The following OGDH variants were observed in gnomAD, a reference collection of about 807,000 sequenced individuals.
OGDH encodes the protein oxoglutarate dehydrogenase.
In OGDH, 38 loss-of-function variants were observed where a neutral mutation model predicts 116.6. The observed-to-expected ratio is 0.33, with a 90% CI of 0.25 to 0.43. The LOEUF is 0.43. OGDH is among the 20% of genes least tolerant of loss of function. The pLI, the probability that OGDH is intolerant of heterozygous loss-of-function variation, is 1.00. For synonymous variants in OGDH, 488 were observed against 533.3 expected, an observed-to-expected ratio of 0.92 and a Z score of 1.17; for missense variants, 825 against 1,357.2, an observed-to-expected ratio of 0.61 and a Z score of 6.16.
intron 4 of OGDH, among the ~76,000 whole-genome samples, chr7:44,655,806 T>G (rs1351864967): frequency 6.6e-6 from 1 of 152,232 alleles, no homozygotes; most frequent in Non-Finnish European, 1.5e-5. Context: ...CTAGTTTGCC[T>G]TCTTGAAATG....
chr7:44,627,657 ATTG>A (rs1785260761), intron 2 of OGDH, among the ~76,000 whole-genome samples: 1 of 151,710 alleles, frequency 6.6e-6, no homozygotes, highest in Non-Finnish European at 1.5e-5. Context: ...CTACTTTCCC[ATTG>A]TTGTTTTTAT....
chr7:44,630,110 G>A (rs571176847), intron 2 of OGDH, among the ~76,000 whole-genome samples: 155 of 152,326 alleles, frequency 1.0e-3, no homozygotes, highest in African/African-American at 3.4e-3. Flanking sequence ...GTGAAACTAA[G>A]TGGAGGAAAA....
At chr7:44,616,786 T>TACGC (rs1784799229) in intron 1 of OGDH, among the ~76,000 whole-genome samples, 1 of 62,782 alleles carries the variant, frequency 1.6e-5, no homozygotes, top group Non-Finnish European at 4.5e-5. Flanking sequence ...TGTATATGCA[T>TACGC]ATATATATGT....
intron 10 of OGDH, among the ~76,000 whole-genome samples, chr7:44,682,700 T>TA (rs1787980693): frequency 6.6e-6 from 1 of 150,888 alleles, no homozygotes; most frequent in African/African-American, 2.4e-5. Context: ...AAAAAAAAAT[T>TA]AAAAAAATTA....
At chr7:44,671,961 T>G (rs1226995411) in intron 5 of OGDH, among the ~76,000 whole-genome samples, 1 of 149,156 alleles carries the variant, frequency 6.7e-6, no homozygotes, top group Non-Finnish European at 1.5e-5. Flanking sequence ...CCCAGCTACT[T>G]GGGAGGCTGA....
chr7:44,627,460 G>C (rs1260703809), intron 2 of OGDH, among the ~76,000 whole-genome samples: 1 of 152,178 alleles, frequency 6.6e-6, no homozygotes, highest in Non-Finnish European at 1.5e-5. Context: ...TTTAAATAGA[G>C]ATAATAAAAT....
chr7:44,651,472 C>G (rs1786437519), intron 4 of OGDH, among the ~76,000 whole-genome samples: 1 of 152,214 alleles, frequency 6.6e-6, no homozygotes, highest in Non-Finnish European at 1.5e-5. Flanking sequence ...TGGACACACT[C>G]TTGCCCTCAG....
intron 12 of OGDH, among the ~76,000 whole-genome samples, chr7:44,695,821 T>C (rs1365743939): frequency 1.3e-5 from 2 of 152,108 alleles, no homozygotes; most frequent in African/African-American, 2.4e-5. Context: ...AGAAAGGTGT[T>C]ATGCCTATTG....
chr7:44,697,200 C>A lies in OGDH; in HGVS notation c.2051+136C>A. 1 of 1,446,296 alleles carries A rather than the reference C, an allele frequency of 6.9e-7. No homozygotes were observed. 89.6% of individuals were successfully genotyped at this position (1,446,296 alleles called of 1,614,324 possible). The stretch of plus-strand genomic sequence containing the variant: ...TCTCAGGCTGAAAACCTCTGTCCCT[C>A]ATTTGCTATGGGTGCTTCTGTTAAG... On this transcript the variant is annotated intron_variant, in intron 15 of 22. Coordinates refer to ENST00000222673, the MANE Select transcript of OGDH (RefSeq NM_002541.4). This position sits in a 1 kb window ranked among gnomAD's most constrained non-coding sequence, Gnocchi z 6.0.
chr7:44,664,446 A>G (rs779059849), intron 4 of OGDH, among the ~76,000 whole-genome samples: 1 of 152,166 alleles, frequency 6.6e-6, no homozygotes, highest in African/African-American at 2.4e-5. Flanking sequence ...GTTTTTGTCT[A>G]AAAGTTTTTT....
intron 3 of OGDH, among the ~76,000 whole-genome samples, chr7:44,646,086 GT>G (rs1237739456): frequency 6.6e-6 from 1 of 152,154 alleles, no homozygotes. Flanking sequence ...GCAGGACAAG[GT>G]TTTTCCCCCC....
chr7:44,698,581 G>C (rs1413060293), intron 18 of OGDH, among the ~76,000 whole-genome samples: 5 of 152,136 alleles, frequency 3.3e-5, no homozygotes, highest in African/African-American at 4.8e-5. Flanking sequence ...ATTCAGGTCT[G>C]GAAGCCCTGA....
At chr7:44,609,543 T>G (rs1784487826) in intron 1 of OGDH, among the ~76,000 whole-genome samples, 1 of 151,962 alleles carries the variant, frequency 6.6e-6, no homozygotes, top group Admixed American at 6.6e-5. Context: ...TCATTCCTTT[T>G]TATTGAAGCC....
At chr7:44,618,423 C>G (rs1203032242) in intron 1 of OGDH, among the ~76,000 whole-genome samples, 1 of 152,058 alleles carries the variant, frequency 6.6e-6, no homozygotes, top group Non-Finnish European at 1.5e-5. Flanking sequence ...ATTTCTCTGC[C>G]CCAGCCCCAG....
At chr7:44,696,348 C>T (rs1029852058) in intron 13 of OGDH, 81 bp from the exon 14 acceptor site, 2 of 1,538,176 alleles carry the variant, frequency 1.3e-6, no homozygotes, top group Admixed American at 3.7e-5. Flanking sequence ...CCTGCTTCTC[C>T]CCAAAATCAC....
chr7:44,667,266 A>G (rs1787226778), intron 5 of OGDH, among the ~76,000 whole-genome samples: 1 of 152,186 alleles, frequency 6.6e-6, no homozygotes, highest in Non-Finnish European at 1.5e-5. Context: ...TTGTAAGGGA[A>G]GGAGGACTTT....
At chr7:44,619,684 A>C (rs1368126614) in intron 1 of OGDH, among the ~76,000 whole-genome samples, 1 of 151,948 alleles carries the variant, frequency 6.6e-6, no homozygotes, top group Non-Finnish European at 1.5e-5. Context: ...TACTGTTTCA[A>C]CTGTTGTTGC....
At chr7:44,706,624 A>ATTTT (rs60453820) in intron 20 of OGDH, among the ~76,000 whole-genome samples, 9 of 123,242 alleles carry the variant, frequency 7.3e-5, no homozygotes, top group African/African-American at 1.6e-4. Flanking sequence ...CCCGGCTGGT[A>ATTTT]TTTTTTTTTT....
At chr7:44,657,416 G>A (rs886868422) in intron 4 of OGDH, among the ~76,000 whole-genome samples, 3 of 152,204 alleles carry the variant, frequency 2.0e-5, no homozygotes, top group African/African-American at 7.2e-5. Context: ...CAGGTTGTTG[G>A]TGTGAATCAA....
Sources: gnomAD v4.1 joint callset for allele counts (sites outside exome capture counted in the v4.1 genomes callset) on GRCh38, gnomAD v4.1.1 for gene constraint, Gnocchi (gnomAD v3.1) non-coding constraint, MANE v1.5 for transcripts, NCBI Gene and HGNC (gene_info 2026-07-23, HGNC 2026-07-21) for gene names.